The following CDH13 variants were observed in gnomAD, a reference collection of about 807,000 sequenced individuals.
CDH13 encodes cadherin-13.
In CDH13, 24 loss-of-function variants were observed where a neutral mutation model predicts 63.8. The observed-to-expected ratio is 0.38, with a 90% CI of 0.27 to 0.53. CDH13 has a LOEUF of 0.53. CDH13 is among the 20% of genes least tolerant of loss of function. The pLI, the probability that CDH13 is intolerant of heterozygous loss-of-function variation, is 0.85. For missense variants in CDH13, 1,049 were observed against 903.1 expected (o/e 1.16, Z -2.07); for synonymous variants, 503 against 355.3 (o/e 1.42, Z -4.67).
chr16:82,920,355 A>G (rs4782737), intron 2 of CDH13, among the ~76,000 whole-genome samples: 58,177 of 152,114 alleles, frequency 0.38, 12,494 homozygotes, highest in Non-Finnish European at 0.49. Flanking sequence ...AGAAACTCCA[A>G]TGGAAAGAGT....
At chr16:83,713,412 A>G (rs1474229254) in intron 10 of CDH13, among the ~76,000 whole-genome samples, 4 of 151,986 alleles carry the variant, frequency 2.6e-5, no homozygotes, top group African/African-American at 4.8e-5. Context: ...TGAGCATTGC[A>G]TTCTTTTATA....
intron 5 of CDH13, among the ~76,000 whole-genome samples, chr16:83,301,024 G>GTTTTTTT (rs1567574870): frequency 4.3e-4 from 23 of 53,936 alleles, no homozygotes; most frequent in Middle Eastern, 0.014. Flanking sequence ...AACTTTCTGG[G>GTTTTTTT]GTTTTTTTTT....
At chr16:82,858,694 G>T (rs2039806436) in intron 2 of CDH13, 1 of 610,728 alleles carries the variant, frequency 1.6e-6, no homozygotes, top group East Asian at 2.7e-5. Flanking sequence ...TTTATCATCA[G>T]TGGGTATCTC....
At chr16:82,889,474 A>C (rs1034716653) in intron 2 of CDH13, among the ~76,000 whole-genome samples, 12 of 152,258 alleles carry the variant, frequency 7.9e-5, no homozygotes, top group African/African-American at 1.4e-4. Context: ...AGTTGGAAGA[A>C]ACTTGGCACC....
chr16:83,502,721 T>C (rs1003434117), intron 7 of CDH13, among the ~76,000 whole-genome samples: 1 of 152,190 alleles, frequency 6.6e-6, no homozygotes, highest in Non-Finnish European at 1.5e-5. Context: ...TGAAATACAT[T>C]AGCTTCATGG....
At chr16:82,736,538 C>T (rs570535667) in intron 1 of CDH13, among the ~76,000 whole-genome samples, 1 of 152,234 alleles carries the variant, frequency 6.6e-6, no homozygotes, top group South Asian at 2.1e-4. Flanking sequence ...AGCCATGGGG[C>T]AGCATCCCAT....
chr16:82,892,594 T>G (rs1236121498), intron 2 of CDH13, among the ~76,000 whole-genome samples: 2 of 152,246 alleles, frequency 1.3e-5, no homozygotes, highest in African/African-American at 4.8e-5. Flanking sequence ...AATTATTGCC[T>G]CATTACTTTA....
intron 2 of CDH13, among the ~76,000 whole-genome samples, chr16:82,870,736 A>G (rs2040314616): frequency 6.6e-6 from 1 of 152,246 alleles, no homozygotes; most frequent in Non-Finnish European, 1.5e-5. Flanking sequence ...GTATCAAAAC[A>G]TCATAGGTCC....
chr16:82,987,985 G>A (rs1165181345), intron 2 of CDH13, among the ~76,000 whole-genome samples: 1 of 152,156 alleles, frequency 6.6e-6, no homozygotes, highest in South Asian at 2.1e-4. Context: ...ACACTAGCTG[G>A]CTGGAACACT....
Position 82,840,488 on chromosome 16 carries a change from G to T in CDH13, c.46-17874G>T, listed in dbSNP as rs535516736. ...ATTTGAGGTCAGGACTTTGAGACCAGCCTGACCAACATGGTGAAACCTCGT... is the reference window on the plus strand; with the variant it reads ...ATTTGAGGTCAGGACTTTGAGACCATCCTGACCAACATGGTGAAACCTCGT... On this transcript the variant is annotated intron_variant, in intron 1 of 13. Coordinates refer to ENST00000567109, the MANE Select transcript of CDH13 (RefSeq NM_001257.5). 4.6e-5 allele frequency among the ~76,000 whole-genome samples: 7 copies of T among 151,820 alleles called. No homozygotes were observed. The East Asian group carries it at 1.4e-3, about 30-fold the overall frequency.
At chr16:83,535,656 G>A (rs4257200) in intron 7 of CDH13, among the ~76,000 whole-genome samples, 78,114 of 151,922 alleles carry the variant, frequency 0.51, 20,321 homozygotes, top group Non-Finnish European at 0.56. Context: ...CAACTGTGCA[G>A]TCCTGGACAG....
chr16:82,880,541 A>G (rs185274510), intron 2 of CDH13, among the ~76,000 whole-genome samples: 1 of 152,096 alleles, frequency 6.6e-6, no homozygotes, highest in South Asian at 2.1e-4. Context: ...TTGTTTTTGG[A>G]CCTTTGCCAG....
chr16:82,938,324 C>T (rs566174141), intron 2 of CDH13, among the ~76,000 whole-genome samples: 1 of 152,128 alleles, frequency 6.6e-6, no homozygotes, highest in South Asian at 2.1e-4. Flanking sequence ...AGCTTCCTGG[C>T]GATTTGACTT....
chr16:83,248,506 C>G (rs369674132), intron 5 of CDH13, among the ~76,000 whole-genome samples: 1 of 152,136 alleles, frequency 6.6e-6, no homozygotes, highest in Non-Finnish European at 1.5e-5. Flanking sequence ...AAATGAAAGT[C>G]AGGCTCAAGG....
intron 3 of CDH13, among the ~76,000 whole-genome samples, chr16:83,086,516 A>G (rs1328245195): frequency 6.6e-6 from 1 of 152,216 alleles, no homozygotes; most frequent in Non-Finnish European, 1.5e-5. Flanking sequence ...GATTGAGCCA[A>G]GCGGAATCCT....
chr16:83,673,547 G>A (rs938917974), intron 9 of CDH13, among the ~76,000 whole-genome samples: 1 of 150,412 alleles, frequency 6.6e-6, no homozygotes, highest in South Asian at 2.1e-4. Flanking sequence ...ACCAACCTTG[G>A]CAACAGAGTG....
At chr16:83,707,150 C>T (rs560339794) in intron 10 of CDH13, among the ~76,000 whole-genome samples, 5 of 152,306 alleles carry the variant, frequency 3.3e-5, no homozygotes, top group African/African-American at 1.2e-4. Context: ...ATATGCCATG[C>T]ATGTTCACGC....
intron 10 of CDH13, among the ~76,000 whole-genome samples, chr16:83,727,413 T>C (rs1006447326): frequency 2.6e-5 from 4 of 151,768 alleles, no homozygotes; most frequent in African/African-American, 9.7e-5. Context: ...TGTGGAAACG[T>C]TGGAAGAATT....
At chr16:83,260,096 A>G (rs1402891908) in intron 5 of CDH13, among the ~76,000 whole-genome samples, 1 of 90,928 alleles carries the variant, frequency 1.1e-5, no homozygotes, top group Non-Finnish European at 2.2e-5. Context: ...TGTACCCCCA[A>G]TACACACACA....
Sources: gnomAD v4.1 joint callset for allele counts (sites outside exome capture counted in the v4.1 genomes callset) on GRCh38, gnomAD v4.1.1 for gene constraint, MANE v1.5 for transcripts, NCBI Gene and HGNC (gene_info 2026-07-23, HGNC 2026-07-21) for gene names.